LHFPL6: variants seen among roughly 807,000 people sequenced by gnomAD.
LHFPL6 encodes the protein LHFPL tetraspan subfamily member 6 protein.
In LHFPL6, 9 loss-of-function variants were observed where a neutral mutation model predicts 20.6. The observed-to-expected ratio is 0.44, with a 90% confidence interval of 0.26 to 0.76. The LOEUF is 0.76. Ranked by LOEUF, LHFPL6 falls within the 30% of genes least tolerant of loss-of-function variation. The pLI is 0.20. For missense variants in LHFPL6, 218 were observed against 253.5 expected, an observed-to-expected ratio of 0.86 and a Z score of 0.95; for synonymous variants, 105 against 98.7, an observed-to-expected ratio of 1.06 and a Z score of -0.38.
At chr13:39,420,225 C>T (rs926220938) in intron 2 of LHFPL6, among the ~76,000 whole-genome samples, 8 of 152,208 alleles carry the variant, frequency 5.3e-5, no homozygotes, top group African/African-American at 1.9e-4. Flanking sequence ...AGATTAAGGT[C>T]TGGGTTACTA....
At chr13:39,568,508 A>G (rs1871800896) in intron 2 of LHFPL6, among the ~76,000 whole-genome samples, 1 of 152,216 alleles carries the variant, frequency 6.6e-6, no homozygotes, top group African/African-American at 2.4e-5. Flanking sequence ...ATATCTGCCT[A>G]TATAAATAAA....
chr13:39,464,550 C>A (rs866248395), intron 2 of LHFPL6, among the ~76,000 whole-genome samples: 4 of 152,276 alleles, frequency 2.6e-5, no homozygotes, highest in South Asian at 2.1e-4. Context: ...CAGTCCACTA[C>A]AAAAAATGTA....
intron 2 of LHFPL6, among the ~76,000 whole-genome samples, chr13:39,403,776 A>G (rs1535777): frequency 1 from 152,196 of 152,356 alleles, 76,018 homozygotes; most frequent in Middle Eastern, 1. Context: ...TGCATGGGTA[A>G]AAATATGTTG....
chr13:39,573,055 C>T (rs1437512959), intron 2 of LHFPL6, among the ~76,000 whole-genome samples: 2 of 152,164 alleles, frequency 1.3e-5, no homozygotes, highest in African/African-American at 4.8e-5. Context: ...ACTAAATGTA[C>T]CGCATACTGT....
At chr13:39,576,530 T>A (rs1032394705) in intron 2 of LHFPL6, among the ~76,000 whole-genome samples, 1 of 152,214 alleles carries the variant, frequency 6.6e-6, no homozygotes, top group Non-Finnish European at 1.5e-5. Flanking sequence ...AAAATGGGAA[T>A]TCAAATCTCT....
intron 2 of LHFPL6, among the ~76,000 whole-genome samples, chr13:39,569,083 T>C (rs903872432): frequency 4.6e-5 from 7 of 152,140 alleles, no homozygotes; most frequent in African/African-American, 1.7e-4. Context: ...AATGTATCTT[T>C]GGCCTTAGCT....
chr13:39,531,417 T>A (rs1870461495), intron 2 of LHFPL6, among the ~76,000 whole-genome samples: 1 of 151,950 alleles, frequency 6.6e-6, no homozygotes, highest in Admixed American at 6.5e-5. Context: ...AATAAAAAAA[T>A]TAGGGTGTGC....
At chr13:39,354,394 GCAA>G (rs1342931302) in intron 3 of LHFPL6, among the ~76,000 whole-genome samples, 1 of 152,012 alleles carries the variant, frequency 6.6e-6, no homozygotes, top group East Asian at 1.9e-4. Context: ...CCCCACCCAA[GCAA>G]CAACAATTTC....
At position 39,601,024 on chromosome 13, in the gene LHFPL6, C is replaced by T. The variant is rs1374978919; in HGVS notation, c.193G>A (p.Val65Met). The change falls in exon 2 of 4, where the codon GTG becomes ATG. Residue 65 changes from valine (V) to methionine (M), a missense_variant. By Grantham distance (21) the Val-to-Met change is conservative (BLOSUM62 1). Transcript: ENST00000379589. The stretch of plus-strand genomic sequence containing the variant: ...GAGGCATAGCGCCCACATTCCTCCA[C>T]CATCACCATCATCTGCCGACTCTCA... The part of the protein sequence containing the change: ...HDESRQMMVM[V>M]EECGRYASFQ... The T allele has an allele frequency of 1.9e-6, 3 of 1,614,098 alleles. No homozygotes were observed. Among genetic ancestry groups the T allele is most frequent in the African/African-American group, 2.7e-5 (2 of 74,928 alleles).
intron 2 of LHFPL6, among the ~76,000 whole-genome samples, chr13:39,499,395 C>T (rs1869213661): frequency 6.6e-6 from 1 of 152,220 alleles, no homozygotes; most frequent in Non-Finnish European, 1.5e-5. Context: ...AGCCTCCTTG[C>T]TGGTCTTCCT....
At chr13:39,549,276 G>A (rs1020623061) in intron 2 of LHFPL6, among the ~76,000 whole-genome samples, 2 of 151,938 alleles carry the variant, frequency 1.3e-5, no homozygotes, top group Admixed American at 1.3e-4. Flanking sequence ...AATAATGTTG[G>A]AACAATCGTA....
At chr13:39,374,941 T>G (rs935341641) in intron 3 of LHFPL6, among the ~76,000 whole-genome samples, 1 of 152,216 alleles carries the variant, frequency 6.6e-6, no homozygotes, top group Non-Finnish European at 1.5e-5. Context: ...TTGAGATAAA[T>G]GCACTACTTA....
intron 2 of LHFPL6, among the ~76,000 whole-genome samples, chr13:39,476,015 T>C (rs768249618): frequency 1.3e-5 from 2 of 152,198 alleles, no homozygotes; most frequent in African/African-American, 2.4e-5. Flanking sequence ...TGACTATATA[T>C]TAGCAGTAAT....
At chr13:39,567,196 T>C (rs781416464) in intron 2 of LHFPL6, among the ~76,000 whole-genome samples, 1 of 152,210 alleles carries the variant, frequency 6.6e-6, no homozygotes, top group Non-Finnish European at 1.5e-5. Context: ...TTGTTTCTTA[T>C]ATTCCCACTT....
intron 2 of LHFPL6, among the ~76,000 whole-genome samples, chr13:39,552,838 T>C (rs935639709): frequency 1.3e-5 from 2 of 152,120 alleles, no homozygotes; most frequent in Non-Finnish European, 2.9e-5. Context: ...GGGTGCCTTT[T>C]TGGAGGTGGT....
At chr13:39,544,373 T>C (rs1424156528) in intron 2 of LHFPL6, among the ~76,000 whole-genome samples, 1 of 152,198 alleles carries the variant, frequency 6.6e-6, no homozygotes, top group East Asian at 1.9e-4. Context: ...TACAATGCTA[T>C]TTCAGCTATT....
intron 2 of LHFPL6, among the ~76,000 whole-genome samples, chr13:39,498,923 C>A (rs1433847031): frequency 6.6e-6 from 1 of 152,020 alleles, no homozygotes; most frequent in East Asian, 1.9e-4. Flanking sequence ...TGCAGTGACG[C>A]GATCTCAGCT....
chr13:39,470,221 C>T (rs1311440689), intron 2 of LHFPL6, among the ~76,000 whole-genome samples: 1 of 152,142 alleles, frequency 6.6e-6, no homozygotes, highest in East Asian at 1.9e-4. Context: ...TCTTCTCTAT[C>T]AAATATAATA....
At chr13:39,574,969 G>C (rs74712388) in intron 2 of LHFPL6, among the ~76,000 whole-genome samples, 1 of 152,122 alleles carries the variant, frequency 6.6e-6, no homozygotes, top group East Asian at 1.9e-4. Context: ...TACTCAGGTG[G>C]CTGAGGCATG....
Sources: allele counts gnomAD v4.1 joint callset (sites outside exome capture counted in the v4.1 genomes callset), GRCh38; gene constraint gnomAD v4.1.1; transcripts MANE v1.5; gene names NCBI Gene and HGNC (gene_info 2026-07-23, HGNC 2026-07-21).